Variants in SRCAP observed in about 807,000 individuals in gnomAD.
SRCAP encodes the protein Snf2 related CREBBP activator protein.
In SRCAP, 46 loss-of-function variants were observed where a neutral mutation model predicts 263.1. That is an observed-to-expected ratio of 0.17 (90% CI 0.14 to 0.22). The LOEUF is 0.22. SRCAP is among the 10% of genes least tolerant of loss of function. The pLI is 1.00. For missense variants in SRCAP, 3,695 were observed against 4,181.9 expected, an observed-to-expected ratio of 0.88 and a Z score of 3.21; for synonymous variants, 1,813 against 1,662.1, an observed-to-expected ratio of 1.09 and a Z score of -2.21.
Position 30,704,132 on chromosome 16 carries a change from TG to T in SRCAP, c.127del (p.Ala43GlnfsTer9). 1 of 1,614,122 alleles carries T rather than the reference TG, an allele frequency of 6.2e-7. No homozygotes were observed. Among genetic ancestry groups the T allele is most frequent in the Non-Finnish European group, 8.5e-7 (1 of 1,180,024 alleles). On this transcript the variant is annotated frameshift_variant, in exon 4 of 34. Coordinates refer to ENST00000262518, the MANE Select transcript of SRCAP (RefSeq NM_006662.3). LOFTEE classifies it high-confidence loss of function. Reference protein sequence around the residue: ...PASSSSPASSGAGGISPQHIA... With the variant: ...PASSSSPASSXAGGISPQHIA... ...CCTCATCCAGTTCCCCAGCCTCTAG[TG>T]GGGCAGGCGGCATCTCCCCGCAGCA...
At position 30,716,318 on chromosome 16, in the gene SRCAP, C is replaced by T. The variant is rs1307844437; in HGVS notation, c.2656C>T (p.His886Tyr). The change falls in exon 18 of 34, where the codon CAT (histidine) becomes TAT (tyrosine). Residue 886 changes from histidine to tyrosine, a missense_variant. Transcript: ENST00000262518. ...AACTAAGGAGACACTAGCCACAGGCCATTTCATGAGCGTCATCAACATTTT... is the reference window on the plus strand; with the variant it reads ...AACTAAGGAGACACTAGCCACAGGCTATTTCATGAGCGTCATCAACATTTT... Reference protein sequence around the residue: ...TTTKETLATGHFMSVINILMQ... With the variant: ...TTTKETLATGYFMSVINILMQ... The T allele has an allele frequency of 1.2e-6, 2 of 1,614,116 alleles. No homozygotes were observed. Among genetic ancestry groups the T allele is most frequent in the Non-Finnish European group, 1.7e-6 (2 of 1,180,016 alleles).
rs763403768 is a variant in SRCAP, at chr16:30,739,764, C to T, written c.*31C>T. On this transcript the variant is annotated 3_prime_UTR_variant, in exon 34 of 34. Transcript: ENST00000262518. ...CTGCCCCTCCACCTAGGCTTTCCAC[C>T]GTGGCCACTCCCTCCATGACCAGGC... 2.0e-4 allele frequency: 284 copies of T among 1,451,384 alleles called. No individual in the cohort carries two copies. The highest frequency in any genetic ancestry group is 2.5e-4 in the Non-Finnish European group (271 of 1,100,180). The allele number at this position is 1,451,384 out of a possible 1,614,324, so 89.9% of individuals were successfully genotyped here.
At chr16:30,728,696 G>A (rs1388800859) in intron 25 of SRCAP, among the ~76,000 whole-genome samples, 2 of 152,136 alleles carry the variant, frequency 1.3e-5, no homozygotes, top group Non-Finnish European at 2.9e-5. Flanking sequence ...TGCTTTGGTA[G>A]CATACAAGGA....
chr16:30,734,480 C>G lies in SRCAP; in HGVS notation c.6610-16C>G. 3 of 1,613,792 alleles carry G rather than the reference C, an allele frequency of 1.9e-6. No individual in the cohort carries two copies. The highest frequency in any genetic ancestry group is 2.5e-6 in the Non-Finnish European group (3 of 1,179,884). ...ATTCTGTTGACTCTGACACTTCCCT[C>G]TGTTCTATCCGATAGCAGACCATCC... On this transcript the variant is annotated splice_polypyrimidine_tract_variant and intron_variant, in intron 30 of 33. Coordinates refer to ENST00000262518, the MANE Select transcript of SRCAP (RefSeq NM_006662.3).
Position 30,737,424 on chromosome 16 carries a change from G to A in SRCAP, c.7384G>A (p.Val2462Ile). ...AAIPALVPVP[V>I]SAPVPISAPN... ...AATTCCTGCCCTTGTTCCTGTCCCA[G>A]TTTCTGCCCCAGTACCCATTTCAGC... The change falls in exon 34 of 34, where the codon GTT (valine) becomes ATT (isoleucine). Residue 2462 changes from valine to isoleucine, a missense_variant. By Grantham distance (29) the Val-to-Ile change is conservative. Coordinates refer to ENST00000262518, the MANE Select transcript of SRCAP (RefSeq NM_006662.3). 1 of 1,603,186 alleles carries A rather than the reference G, an allele frequency of 6.2e-7. No individual in the cohort carries two copies. The highest frequency in any genetic ancestry group is 8.5e-7 in the Non-Finnish European group (1 of 1,174,882).
At chr16:30,731,677 C>T (rs2053116000) in intron 27 of SRCAP, among the ~76,000 whole-genome samples, 1 of 151,878 alleles carries the variant, frequency 6.6e-6, no homozygotes, top group Non-Finnish European at 1.5e-5. Flanking sequence ...GCCCAGGCAA[C>T]ATGGCGAAAC....
chr16:30,702,564 CCCTT>C (rs1412278506), intron 3 of SRCAP, among the ~76,000 whole-genome samples: 2 of 124,088 alleles, frequency 1.6e-5, no homozygotes, highest in Admixed American at 8.4e-5. Flanking sequence ...CTCCCTCCCT[CCCTT>C]CCCTCCCTCC....
Position 30,733,171 on chromosome 16 carries a change from A to C in SRCAP, c.6128-109A>C. The C allele has an allele frequency of 7.7e-7, 1 of 1,306,710 alleles. No individual in the cohort carries two copies. The highest frequency in any genetic ancestry group is 1.1e-6 in the Non-Finnish European group (1 of 944,128). 80.9% of individuals were successfully genotyped at this position (1,306,710 alleles called of 1,614,324 possible). On this transcript the variant is annotated intron_variant, in intron 27 of 33. Coordinates refer to ENST00000262518, the MANE Select transcript of SRCAP (RefSeq NM_006662.3). This position sits in a 1 kb window ranked among gnomAD's most constrained non-coding sequence, Gnocchi z 5.3. ...ATTTTTGATCTGCTAGGCTAATTGA[A>C]ACTTTGGCTTAAAGCATTGATTATC...
Position 30,724,431 on chromosome 16 carries a change from G to A in SRCAP, c.5007G>A (p.Pro1669=), listed in dbSNP as rs978980554. The A allele has an allele frequency of 2.0e-5, 32 of 1,613,980 alleles. No homozygotes were observed. Among genetic ancestry groups the A allele is most frequent in the African/African-American group, 4.0e-5 (3 of 74,882 alleles). The change falls in exon 25 of 34, where the codon CCG becomes CCA. Residue 1669 remains proline (P), a synonymous_variant. Coordinates refer to ENST00000262518, the MANE Select transcript of SRCAP (RefSeq NM_006662.3). ...STQTMLPAPV[P]SPLPSPASTQ... ...AAACTATGCTACCAGCCCCGGTTCC[G>A]TCACCTCTCCCGAGCCCGGCTTCTA...
In SRCAP at chr16:30,711,566, T is replaced by G. The variant is rs1482375058; in HGVS notation, c.1319-5T>G. 1 of 1,579,506 alleles carries G rather than the reference T, an allele frequency of 6.3e-7. No individual in the cohort carries two copies. The highest frequency in any genetic ancestry group is 1.1e-5 in the South Asian group (1 of 87,480). ...GCAACCAAAAGCTTTTTGTTTCTCT[T>G]CCAGGTGAGCTTTCCATGGAGGAGC... On this transcript the variant is annotated splice_polypyrimidine_tract_variant and splice_region_variant and intron_variant, in intron 10 of 33. Transcript: ENST00000262518.
At chr16:30,708,270 A>G (rs1359474330) in intron 6 of SRCAP, among the ~76,000 whole-genome samples, 2 of 151,958 alleles carry the variant, frequency 1.3e-5, no homozygotes, top group Non-Finnish European at 2.9e-5. Context: ...GTGCAGTGGT[A>G]CGATCACAGC....
At chr16:30,709,367 C>T (rs1353556007) in intron 6 of SRCAP, 146 bp from the exon 7 acceptor site, 1 of 763,828 alleles carries the variant, frequency 1.3e-6, no homozygotes, top group Admixed American at 2.4e-5. Context: ...TCCTTTAGAC[C>T]ATAGTGAGCC....
Position 30,722,225 on chromosome 16 carries a change from G to C in SRCAP, c.3645G>C (p.Lys1215Asn). 1 of 1,614,220 alleles carries C rather than the reference G, an allele frequency of 6.2e-7. No individual in the cohort carries two copies. The highest frequency in any genetic ancestry group is 8.5e-7 in the Non-Finnish European group (1 of 1,180,034). ...KPLTFQIQGN[K>N]LTLTGAQVRQ... ...TCACCTTCCAAATCCAGGGCAACAA[G>C]CTGACTTTGACTGGTGCCCAGGTGC... Residue 1215 changes from lysine (K) to asparagine (N), a missense_variant, in exon 22 of 34, where the codon AAG (lysine) becomes AAC (asparagine). By Grantham distance (94) the Lys-to-Asn change is moderately conservative. Transcript: ENST00000262518.
chr16:30,741,404 A>C lies in SRCAP; in HGVS notation c.*1671A>C. On this transcript the variant is annotated 3_prime_UTR_variant, in exon 34 of 34. Coordinates refer to ENST00000262518, the MANE Select transcript of SRCAP (RefSeq NM_006662.3). ...AAATACAGATTAAAATAACAGATTC[A>C]TAGCAGCTTTCAAGAGTTTGTATTT... 4.7e-6 allele frequency: 1 copy of C among 214,720 alleles called. No individual in the cohort carries two copies. The highest frequency in any genetic ancestry group is 2.3e-5 in the African/African-American group (1 of 44,060). The allele number at this position is 214,720 out of a possible 1,614,324, so 13.3% of individuals were successfully genotyped here.
Position 30,738,464 on chromosome 16 carries a change from C to A in SRCAP, c.8424C>A (p.Pro2808=). The A allele has an allele frequency of 6.3e-7, 1 of 1,579,000 alleles. No individual in the cohort carries two copies. Among genetic ancestry groups the A allele is most frequent in the Non-Finnish European group, 8.6e-7 (1 of 1,162,760 alleles). The change falls in exon 34 of 34, where the codon CCC becomes CCA. Residue 2808 remains proline, a synonymous_variant. Coordinates refer to ENST00000262518, the MANE Select transcript of SRCAP (RefSeq NM_006662.3). ...GPESSPPIGG[P]CEAAPSSSLP... is the part of the protein sequence containing the mutation. ...AATCCTCCCCTCCCATTGGTGGGCC[C>A]TGTGAAGCTGCTCCTTCATCCTCAC...
rs146712493 is a variant in SRCAP at position 30,710,198 on chromosome 16, G to C, written c.1134+70G>C. On this transcript the variant is annotated intron_variant, in intron 8 of 33. Transcript: ENST00000262518. ...GGGAGAGGTTCAGGGTCTGAGTTCC[G>C]GGCTGTGAGGTTGGTTATGAGTTTT... is the stretch of plus-strand genomic sequence containing the variant. 8.2e-4 allele frequency: 1,236 copies of C among 1,507,458 alleles called. 7 individuals are homozygous for C. In the African/African-American group the frequency reaches 0.016, roughly 19 times the overall value. 93.4% of individuals were successfully genotyped at this position (1,507,458 alleles called of 1,614,324 possible).
chr16:30,733,516 G>T lies in SRCAP; in HGVS notation c.6297+67G>T, dbSNP rs575583120. ...TCTCTCTCCTTTTCCCAGGATTTGG[G>T]CTTCCAGACGGGGTGCCACTAAGCC... is the stretch of plus-strand genomic sequence containing the variant. On this transcript the variant is annotated intron_variant, in intron 28 of 33. Coordinates refer to ENST00000262518, the MANE Select transcript of SRCAP (RefSeq NM_006662.3). This position sits in a 1 kb window ranked among gnomAD's most constrained non-coding sequence, Gnocchi z 5.3. 11 of 1,606,312 alleles carry T rather than the reference G, an allele frequency of 6.8e-6. No individual in the cohort carries two copies. In the African/African-American group the frequency reaches 1.5e-4, roughly 21 times the overall value.
chr16:30,702,821 G>A (rs1011910204), intron 3 of SRCAP, among the ~76,000 whole-genome samples: 6 of 151,454 alleles, frequency 4.0e-5, no homozygotes, highest in Non-Finnish European at 8.8e-5. Context: ...GGTCAGGCTG[G>A]TCTGGAACTC....
At chr16:30,730,907 A>T (rs2053108887) in intron 27 of SRCAP, among the ~76,000 whole-genome samples, 1 of 151,926 alleles carries the variant, frequency 6.6e-6, no homozygotes, top group African/African-American at 2.4e-5. Flanking sequence ...TGACCTCGTG[A>T]TCCCCTTGCC....
Sources: gnomAD v4.1 joint callset for allele counts (sites outside exome capture counted in the v4.1 genomes callset) on GRCh38, gnomAD v4.1.1 for gene constraint, Gnocchi (gnomAD v3.1) non-coding constraint, MANE v1.5 for transcripts, NCBI Gene and HGNC (gene_info 2026-07-23, HGNC 2026-07-21) for gene names.